Variants in CCDC152 observed in about 807,000 individuals in gnomAD.
The protein encoded by CCDC152 is coiled-coil domain-containing protein 152.
CCDC152 carries 37 observed loss-of-function variants against 38.1 expected under a neutral mutation model. The ratio of observed to expected loss-of-function variants is 0.97; its 90% CI spans 0.75 to 1.28. The LOEUF is 1.28. CCDC152 is among the 50% of genes most tolerant of loss of function. The pLI is 0.00. For synonymous variants in CCDC152, 83 were observed against 87.1 expected (o/e 0.95, Z 0.26); for missense variants, 259 against 292.1 (o/e 0.89, Z 0.83).
chr5:42,762,024 T>G (rs938587672), intron 2 of CCDC152, among the ~76,000 whole-genome samples: 5 of 152,222 alleles, frequency 3.3e-5, no homozygotes, highest in African/African-American at 1.2e-4. Context: ...ATAGAGTATA[T>G]TTACGCAAAC....
chr5:42,773,349 A>G (rs1759726881), intron 4 of CCDC152, among the ~76,000 whole-genome samples: 1 of 152,198 alleles, frequency 6.6e-6, no homozygotes, highest in Non-Finnish European at 1.5e-5. Context: ...CTTTATTTTC[A>G]TCTGAAAATT....
chr5:42,799,769 T>G lies in CCDC152; in HGVS notation c.753T>G (p.Arg251=). The G allele has an allele frequency of 1.3e-6, 2 of 1,550,828 alleles. No individual in the cohort carries two copies. The highest frequency in any genetic ancestry group is 1.7e-6 in the Non-Finnish European group (2 of 1,146,708). Residue 251 remains arginine (R), a synonymous_variant, in exon 9 of 9, where the codon CGT becomes CGG. Transcript: ENST00000361970. ...TTGGCAAAGATTCTCACCTTAAGCG[T>G]AGACGGTTTTGAGCTTAGCAGTAAA... ...LSVGKDSHLK[R]RRF
Position 42,800,421 on chromosome 5 carries a change from C to T in CCDC152, c.*640C>T, listed in dbSNP as rs1760155981. The T allele has an allele frequency of 4.1e-6, 1 of 243,322 alleles. No individual in the cohort carries two copies. Among genetic ancestry groups the T allele is most frequent in the South Asian group, 1.1e-4 (1 of 9,440 alleles). The allele number at this position is 243,322 out of a possible 1,614,324, so 15.1% of individuals were successfully genotyped here. On this transcript the variant is annotated 3_prime_UTR_variant, in exon 9 of 9. Transcript: ENST00000361970. Reference sequence around the variant, plus strand: ...ACTGCTAATTATCCAACAGAAACCCCTAGGTCATAGTTTACGTTTCTATTC... The same window carrying T: ...ACTGCTAATTATCCAACAGAAACCCTTAGGTCATAGTTTACGTTTCTATTC...
Position 42,799,452 on chromosome 5 carries a change from C to T in CCDC152, c.636C>T (p.Tyr212=). Residue 212 remains tyrosine, a synonymous_variant, in exon 8 of 9, where the codon TAC becomes TAT. Coordinates refer to ENST00000361970, the MANE Select transcript of CCDC152 (RefSeq NM_001134848.2). The part of the protein sequence containing the change: ...QDSTVLPQSI[Y]RRKLQHFQEE... ...CTACTGTTTTGCCACAAAGTATCTA[C>T]AGAAGGGTATGTGAGTTTTCCTCTC... 2.6e-6 allele frequency: 4 copies of T among 1,529,000 alleles called. No homozygotes were observed. Among genetic ancestry groups the T allele is most frequent in the Non-Finnish European group, 3.5e-6 (4 of 1,131,010 alleles). The allele number at this position is 1,529,000 out of a possible 1,614,324, so 94.7% of individuals were successfully genotyped here. A position where few individuals can be genotyped will look rare whatever the true frequency, so the allele number is the denominator to read the frequency against.
At chr5:42,798,071 A>G (rs902790669) in intron 7 of CCDC152, among the ~76,000 whole-genome samples, 2 of 152,176 alleles carry the variant, frequency 1.3e-5, no homozygotes, top group Admixed American at 1.3e-4. Flanking sequence ...GAATCACTTG[A>G]ACCCGGGAGG....
chr5:42,780,658 T>C (rs1759832901), intron 5 of CCDC152, among the ~76,000 whole-genome samples: 1 of 152,182 alleles, frequency 6.6e-6, no homozygotes, highest in Non-Finnish European at 1.5e-5. Flanking sequence ...ATTTCTTACT[T>C]AGGGGCTGCC....
At chr5:42,780,180 G>T (rs1271008040) in intron 5 of CCDC152, among the ~76,000 whole-genome samples, 1 of 152,124 alleles carries the variant, frequency 6.6e-6, no homozygotes, top group African/African-American at 2.4e-5. Flanking sequence ...GCAGACAAAA[G>T]ATCCTCAAAA....
At chr5:42,777,362 C>T (rs766583477) in intron 4 of CCDC152, among the ~76,000 whole-genome samples, 2 of 151,244 alleles carry the variant, frequency 1.3e-5, no homozygotes, top group Admixed American at 6.6e-5. Context: ...ACTCGGGGGC[C>T]GAGGCAGGAA....
chr5:42,799,589 TGTTA>T lies in CCDC152; in HGVS notation c.643-69_643-66del, dbSNP rs1760132679. 1.2e-5 allele frequency: 16 copies of T among 1,281,220 alleles called. No homozygotes were observed. In the Middle Eastern group the frequency reaches 1.8e-3, roughly 146 times the overall value. 79.4% of individuals were successfully genotyped at this position (1,281,220 alleles called of 1,614,324 possible). A position where few individuals can be genotyped will look rare whatever the true frequency, so the allele number is the denominator to read the frequency against. On this transcript the variant is annotated intron_variant, in intron 8 of 8. Coordinates refer to ENST00000361970, the MANE Select transcript of CCDC152 (RefSeq NM_001134848.2). ...TACCAATAGCAGAAGTGCATTTCTTTGTTATTTTGTTGTTCCTTGTACTAAATTT... is the reference window on the plus strand; with the variant it reads ...TACCAATAGCAGAAGTGCATTTCTTTTTTTGTTGTTCCTTGTACTAAATTT...
rs191889578 is a variant in CCDC152 at position 42,798,214 on chromosome 5, C to G, written c.559-1161C>G. ...TATCACAATCTCAAATGTACTTTGA[C>G]AAAATATTTGTCCTTTAAATGTTTT... On this transcript the variant is annotated intron_variant, in intron 7 of 8. Transcript: ENST00000361970. Among the ~76,000 whole-genome samples, 293 of 152,242 alleles carry G rather than the reference C, an allele frequency of 1.9e-3. 7 individuals are homozygous for G. The highest frequency in any genetic ancestry group is 0.016 in the Admixed American group (250 of 15,290).
chr5:42,771,314 A>C (rs1045873423), intron 4 of CCDC152, among the ~76,000 whole-genome samples: 1 of 152,114 alleles, frequency 6.6e-6, no homozygotes, highest in African/African-American at 2.4e-5. Flanking sequence ...ATTTAAAAGG[A>C]AAAAATATAT....
chr5:42,762,184 A>G (rs1372889477), intron 2 of CCDC152, among the ~76,000 whole-genome samples: 1 of 152,244 alleles, frequency 6.6e-6, no homozygotes, highest in South Asian at 2.1e-4. Flanking sequence ...TAGAAAAGGT[A>G]CAGTAAAAAT....
chr5:42,800,752 G>T lies in CCDC152; in HGVS notation c.*971G>T, dbSNP rs1267181031. ...GAAGGTCATTCTCACTTTTTTGCCT[G>T]ATTCTTTCAGCGTCAACTGGCACTG... On this transcript the variant is annotated 3_prime_UTR_variant, in exon 9 of 9. Coordinates refer to ENST00000361970, the MANE Select transcript of CCDC152 (RefSeq NM_001134848.2). 9 of 1,605,842 alleles carry T rather than the reference G, an allele frequency of 5.6e-6. No homozygotes were observed. The highest frequency in any genetic ancestry group is 3.4e-5 in the Admixed American group (2 of 58,956).
intron 3 of CCDC152, among the ~76,000 whole-genome samples, chr5:42,767,208 A>G (rs538459659): frequency 1.3e-5 from 2 of 152,240 alleles, no homozygotes; most frequent in South Asian, 2.1e-4. Context: ...CAAACTACAC[A>G]TGATCAAATT....
intron 4 of CCDC152, among the ~76,000 whole-genome samples, chr5:42,770,886 C>T (rs1174711991): frequency 6.6e-6 from 1 of 152,054 alleles, no homozygotes; most frequent in East Asian, 1.9e-4. Flanking sequence ...TTTTTATTGC[C>T]ATTATGTATA....
At chr5:42,771,487 G>GT (rs957754130) in intron 4 of CCDC152, among the ~76,000 whole-genome samples, 22 of 150,852 alleles carry the variant, frequency 1.5e-4, no homozygotes, top group African/African-American at 4.4e-4. Context: ...CTAGGAGTTT[G>GT]TTTTTTTTGA....
Position 42,758,153 on chromosome 5 carries a change from C to G in CCDC152, c.-2-967C>G, listed in dbSNP as rs186451696. Among the ~76,000 whole-genome samples the G allele has an allele frequency of 8.6e-4, 131 of 152,108 alleles. No homozygotes were observed. The Middle Eastern group carries it at 0.014, about 16-fold the overall frequency. ...ATAATTCAAGAAACAAAATATACAG[C>G]CAAAAATCTGAGATTTAAAAACCAT... On this transcript the variant is annotated intron_variant, in intron 1 of 8. Coordinates refer to ENST00000361970, the MANE Select transcript of CCDC152 (RefSeq NM_001134848.2).
chr5:42,777,377 G>C (rs913474822), intron 4 of CCDC152, among the ~76,000 whole-genome samples: 2 of 151,764 alleles, frequency 1.3e-5, no homozygotes, highest in African/African-American at 4.8e-5. Context: ...CAGGAAAATA[G>C]CTTGAACCCA....
chr5:42,792,329 A>G (rs1760015923), intron 6 of CCDC152, among the ~76,000 whole-genome samples: 1 of 152,204 alleles, frequency 6.6e-6, no homozygotes, highest in South Asian at 2.1e-4. Flanking sequence ...AAGCTACCAA[A>G]GAGATCTCTC....
Sources: allele counts gnomAD v4.1 joint callset (sites outside exome capture counted in the v4.1 genomes callset), GRCh38; gene constraint gnomAD v4.1.1; transcripts MANE v1.5; gene names NCBI Gene and HGNC (gene_info 2026-07-23, HGNC 2026-07-21).